Variants in XYLT1 observed in about 807,000 individuals in gnomAD.
XYLT1 encodes the protein xylosyltransferase 1.
In XYLT1, 36 loss-of-function variants were observed where a neutral mutation model predicts 91.3. The ratio of observed to expected loss-of-function variants is 0.39; its 90% CI spans 0.30 to 0.52. The LOEUF (loss-of-function observed/expected upper bound fraction) is 0.52. Among genes scored for constraint, XYLT1 ranks in the 20% least tolerant of loss-of-function variants. XYLT1 has a pLI of 0.68. For synonymous variants in XYLT1, 588 were observed against 532.0 expected (o/e 1.11, Z -1.45); for missense variants, 1,242 against 1,284.5 (o/e 0.97, Z 0.51).
intron 2 of XYLT1, among the ~76,000 whole-genome samples, chr16:17,311,237 C>T (rs1259775726): frequency 3.9e-5 from 6 of 152,172 alleles, no homozygotes. Flanking sequence ...TATCAGCACT[C>T]AGGAGCTGGT....
At chr16:17,336,858 T>C (rs2034986844) in intron 2 of XYLT1, among the ~76,000 whole-genome samples, 1 of 152,122 alleles carries the variant, frequency 6.6e-6, no homozygotes, top group Admixed American at 6.5e-5. Context: ...CTAGAAAAAA[T>C]GCTCACCCGC....
intron 2 of XYLT1, among the ~76,000 whole-genome samples, chr16:17,333,632 G>C (rs2034936292): frequency 6.9e-6 from 1 of 145,220 alleles, no homozygotes. Context: ...CTGCCGCCCA[G>C]GCTGGAGTGC....
intron 1 of XYLT1, among the ~76,000 whole-genome samples, chr16:17,388,149 C>T (rs900060152): frequency 2.0e-5 from 3 of 152,170 alleles, no homozygotes; most frequent in South Asian, 4.1e-4. Context: ...TCATCTAATA[C>T]GAAGCCTAGT....
intron 2 of XYLT1, among the ~76,000 whole-genome samples, chr16:17,265,510 T>C (rs907919444): frequency 9.2e-5 from 14 of 152,256 alleles, no homozygotes; most frequent in African/African-American, 3.1e-4. Flanking sequence ...CACATTCAAA[T>C]GTTTGTGTGC....
At chr16:17,455,389 CAAATT>C (rs2036727256) in intron 1 of XYLT1, among the ~76,000 whole-genome samples, 1 of 152,056 alleles carries the variant, frequency 6.6e-6, no homozygotes, top group Admixed American at 6.5e-5. Context: ...CGAGAGCAAT[CAAATT>C]AAATTAGTTA....
intron 2 of XYLT1, among the ~76,000 whole-genome samples, chr16:17,334,401 A>G (rs2034947199): frequency 6.6e-6 from 1 of 152,138 alleles, no homozygotes; most frequent in Non-Finnish European, 1.5e-5. Context: ...TCTTCACAGG[A>G]AAGTGACTGC....
chr16:17,162,788 T>C (rs2031586871), intron 5 of XYLT1, among the ~76,000 whole-genome samples: 1 of 152,242 alleles, frequency 6.6e-6, no homozygotes, highest in African/African-American at 2.4e-5. Flanking sequence ...TTCCAGATGA[T>C]GCATGTGCTC....
intron 3 of XYLT1, among the ~76,000 whole-genome samples, chr16:17,256,598 C>T (rs946773061): frequency 2.0e-5 from 3 of 147,974 alleles, no homozygotes; most frequent in African/African-American, 5.1e-5. Context: ...TGCAGTGAGC[C>T]GAGATCATGC....
intron 6 of XYLT1, among the ~76,000 whole-genome samples, chr16:17,143,785 C>T (rs780428000): frequency 7.5e-6 from 1 of 133,762 alleles, no homozygotes; most frequent in Non-Finnish European, 1.6e-5. Flanking sequence ...CCATCGTCAT[C>T]ATCACCATCA....
intron 2 of XYLT1, among the ~76,000 whole-genome samples, chr16:17,297,922 G>T (rs2034336661): frequency 6.6e-6 from 1 of 152,052 alleles, no homozygotes; most frequent in African/African-American, 2.4e-5. Flanking sequence ...TCGGGAGGCT[G>T]AGGCAGGAGA....
chr16:17,443,124 T>C (rs975264721), intron 1 of XYLT1, among the ~76,000 whole-genome samples: 1 of 152,160 alleles, frequency 6.6e-6, no homozygotes, highest in African/African-American at 2.4e-5. Flanking sequence ...ATGAAAATTG[T>C]AGTTACCTCA....
At chr16:17,111,136 GTCGA>G (rs1212067088) in intron 11 of XYLT1, among the ~76,000 whole-genome samples, 1 of 152,156 alleles carries the variant, frequency 6.6e-6, no homozygotes, top group African/African-American at 2.4e-5. Context: ...CTCCAGCCTG[GTCGA>G]TAGAGTGAGA....
chr16:17,348,791 C>A (rs563869498), intron 2 of XYLT1, among the ~76,000 whole-genome samples: 1 of 152,338 alleles, frequency 6.6e-6, no homozygotes, highest in East Asian at 1.9e-4. Context: ...AACCTGCAAA[C>A]CCAGCCTGAA....
chr16:17,374,878 T>G (rs188129537), intron 1 of XYLT1, among the ~76,000 whole-genome samples: 24 of 152,256 alleles, frequency 1.6e-4, no homozygotes, highest in Admixed American at 9.2e-4. Flanking sequence ...CTGGCATGTT[T>G]CCATTTACTC....
At chr16:17,428,343 C>CTGCAGTAAGG (rs2036343962) in intron 1 of XYLT1, among the ~76,000 whole-genome samples, 1 of 152,160 alleles carries the variant, frequency 6.6e-6, no homozygotes, top group Admixed American at 6.5e-5. Context: ...GCAGCACAAG[C>CTGCAGTAAGG]TCTGGCGGCA....
At chr16:17,358,933 T>C (rs2035344170) in intron 1 of XYLT1, among the ~76,000 whole-genome samples, 1 of 152,122 alleles carries the variant, frequency 6.6e-6, no homozygotes, top group Non-Finnish European at 1.5e-5. Flanking sequence ...GTCCTATTCA[T>C]TCACTCTGTA....
chr16:17,157,023 C>T (rs1323553027), intron 6 of XYLT1, among the ~76,000 whole-genome samples: 8 of 151,922 alleles, frequency 5.3e-5, no homozygotes, highest in Non-Finnish European at 1.2e-4. Flanking sequence ...TCTCCACTCA[C>T]TGCAACCTCC....
chr16:17,210,612 A>G (rs1342710224), intron 3 of XYLT1, among the ~76,000 whole-genome samples: 2 of 151,704 alleles, frequency 1.3e-5, no homozygotes, highest in African/African-American at 4.8e-5. Flanking sequence ...AGGTCTCCCT[A>G]TGTTGCCCAG....
At chr16:17,370,410 G>A (rs1276256781) in intron 1 of XYLT1, among the ~76,000 whole-genome samples, 3 of 152,250 alleles carry the variant, frequency 2.0e-5, no homozygotes, top group Non-Finnish European at 4.4e-5. Context: ...ACGCTTGGTG[G>A]AACTGTAGGC....
Sources: gnomAD v4.1 joint callset for allele counts (sites outside exome capture counted in the v4.1 genomes callset) on GRCh38, gnomAD v4.1.1 for gene constraint, MANE v1.5 for transcripts, NCBI Gene and HGNC (gene_info 2026-07-23, HGNC 2026-07-21) for gene names.